The following ATF6B variants were observed in gnomAD, a reference collection of about 807,000 sequenced individuals.
ATF6B encodes activating transcription factor 6 beta.
ATF6B carries 50 observed loss-of-function variants against 83.5 expected under a neutral mutation model. The observed-to-expected ratio is 0.60, with a 90% CI of 0.48 to 0.76. The LOEUF (loss-of-function observed/expected upper bound fraction) is 0.76, where lower values mean the gene tolerates loss of function less well. ATF6B is among the 30% of genes least tolerant of loss of function. The pLI is 0.00. For synonymous variants in ATF6B, 344 were observed against 362.8 expected, an observed-to-expected ratio of 0.95 and a Z score of 0.59; for missense variants, 790 against 893.8, an observed-to-expected ratio of 0.88 and a Z score of 1.48.
rs1718689539 is a variant in ATF6B at position 32,116,639 on chromosome 6, C to T, written c.1797+65G>A. ...AAGCTCCCCAGCCCTACTCTACATC[C>T]CCCCACTGAAGACAGACTGCTGGGA... On this transcript the variant is annotated intron_variant, in intron 16 of 17. Coordinates refer to ENST00000375203, the MANE Select transcript of ATF6B (RefSeq NM_004381.5). This position sits in a 1 kb window ranked among gnomAD's most constrained non-coding sequence, Gnocchi z 5.1. 1.9e-6 allele frequency: 3 copies of T among 1,603,826 alleles called. No individual in the cohort carries two copies. The highest frequency in any genetic ancestry group is 2.6e-6 in the Non-Finnish European group (3 of 1,171,216).
chr6:32,116,622 C>T lies in ATF6B; in HGVS notation c.1798-58G>A. 6.2e-7 allele frequency: 1 copy of T among 1,602,332 alleles called. No individual in the cohort carries two copies. Among genetic ancestry groups the T allele is most frequent in the Non-Finnish European group, 8.5e-7 (1 of 1,170,622 alleles). On this transcript the variant is annotated intron_variant, in intron 16 of 17. Coordinates refer to ENST00000375203, the MANE Select transcript of ATF6B (RefSeq NM_004381.5). This position sits in a 1 kb window ranked among gnomAD's most constrained non-coding sequence, Gnocchi z 5.1. The stretch of plus-strand genomic sequence containing the variant: ...GAGGCAAAGATGCCAACAAGCTCCC[C>T]AGCCCTACTCTACATCCCCCCACTG...
rs375401715 is a variant in ATF6B at position 32,118,729 on chromosome 6, C to T, written c.1244+46G>A. 2.8e-5 allele frequency: 45 copies of T among 1,585,266 alleles called. No homozygotes were observed. In the East Asian group the frequency reaches 4.2e-4, roughly 15 times the overall value. Reference sequence around the variant, plus strand: ...AAAGCAGGCAGCTAGGAGGCTGTAACGTGGGCTCCACCTGGAAGGTTCTAG... The same window carrying T: ...AAAGCAGGCAGCTAGGAGGCTGTAATGTGGGCTCCACCTGGAAGGTTCTAG... On this transcript the variant is annotated intron_variant, in intron 11 of 17. Transcript: ENST00000375203. This position sits in a 1 kb window ranked among gnomAD's most constrained non-coding sequence, Gnocchi z 5.2.
intron 8 of ATF6B, chr6:32,120,454 C>CTT (rs1201008710): frequency 6.8e-5 from 9 of 131,624 alleles, no homozygotes; most frequent in East Asian, 2.1e-4. Flanking sequence ...TTTCTTTTTT[C>CTT]TTTTTTTTTT....
chr6:32,127,219 A>G, intron 3 of ATF6B, 25 bp from the exon 4 acceptor site: 1 of 1,581,782 alleles, frequency 6.3e-7, no homozygotes, highest in Admixed American at 1.8e-5. Flanking sequence ...GTTAGAAATT[A>G]TCAGGAAGCA....
chr6:32,116,433 G>A lies in ATF6B; in HGVS notation c.1882+47C>T, dbSNP rs1301251090. 3.2e-6 allele frequency: 5 copies of A among 1,561,862 alleles called. No individual in the cohort carries two copies. The Admixed American group carries it at 8.6e-5, about 27-fold the overall frequency. ...CCCTTCCCCCTCAGCTCCCAGGCTGGATCTCCCTGTTGGAACTGCCCCCAT... is the reference window on the plus strand; with the variant it reads ...CCCTTCCCCCTCAGCTCCCAGGCTGAATCTCCCTGTTGGAACTGCCCCCAT... On this transcript the variant is annotated intron_variant, in intron 17 of 17. Transcript: ENST00000375203. The surrounding 1 kb of genome is among the most constrained non-coding windows in gnomAD (Gnocchi z 5.1).
rs773145763 is a variant in ATF6B at position 32,117,551 on chromosome 6, C to CG, written c.1532+35dup. 9 of 1,606,864 alleles carry CG rather than the reference C, an allele frequency of 5.6e-6. No homozygotes were observed. The highest frequency in any genetic ancestry group is 7.7e-6 in the Non-Finnish European group (9 of 1,175,314). ...CTGACTGCAGAAGGCCTTGGGAGGC[C>CG]GGGGGAGCTGGATGCCCCAGCAATG... is the stretch of plus-strand genomic sequence containing the variant. On this transcript the variant is annotated intron_variant, in intron 13 of 17. Transcript: ENST00000375203. This position sits in a 1 kb window ranked among gnomAD's most constrained non-coding sequence, Gnocchi z 5.0.
In ATF6B at chr6:32,125,487, C is replaced by T. The variant is rs193058094; in HGVS notation, c.478+630G>A. On this transcript the variant is annotated intron_variant, in intron 5 of 17. Coordinates refer to ENST00000375203, the MANE Select transcript of ATF6B (RefSeq NM_004381.5). This position sits in a 1 kb window ranked among gnomAD's most constrained non-coding sequence, Gnocchi z 4.1. ...TGTTTAAAAATGTTTATGGGCTGGG[C>T]GCGATGGCTCACGCCTGTAATCTCA... 1.7e-4 allele frequency among the ~76,000 whole-genome samples: 26 copies of T among 152,246 alleles called. 1 individual carries two copies. The East Asian group carries it at 3.7e-3, about 21-fold the overall frequency.
rs187570406 is a variant in ATF6B, at chr6:32,125,736, G to C, written c.478+381C>G. 2.0e-5 allele frequency among the ~76,000 whole-genome samples: 3 copies of C among 152,162 alleles called. No individual in the cohort carries two copies. The highest frequency in any genetic ancestry group is 4.4e-5 in the Non-Finnish European group (3 of 68,032). On this transcript the variant is annotated intron_variant, in intron 5 of 17. Coordinates refer to ENST00000375203, the MANE Select transcript of ATF6B (RefSeq NM_004381.5). This position sits in a 1 kb window ranked among gnomAD's most constrained non-coding sequence, Gnocchi z 4.1. ...AGACCACACCACTGCACTTCAGCCC[G>C]AGCGACAGTGTGAGACTCTGTCTCA...
rs768944272 is a variant in ATF6B, at chr6:32,128,107, G to C, written c.91+10C>G. 6.2e-7 allele frequency: 1 copy of C among 1,612,154 alleles called. No individual in the cohort carries two copies. Among genetic ancestry groups the C allele is most frequent in the South Asian group, 1.1e-5 (1 of 91,058 alleles). ...TTTGCCACAGCCCTCTCCCCTCCCCGGTGCCTCACTCTGCAGACCCCAGTC... is the reference window on the plus strand; with the variant it reads ...TTTGCCACAGCCCTCTCCCCTCCCCCGTGCCTCACTCTGCAGACCCCAGTC... On this transcript the variant is annotated intron_variant, in intron 1 of 17. Coordinates refer to ENST00000375203, the MANE Select transcript of ATF6B (RefSeq NM_004381.5).
rs1362693609 is a variant in ATF6B, at chr6:32,117,281, T to C, written c.1614+42A>G. 1.2e-6 allele frequency: 2 copies of C among 1,601,054 alleles called. No individual in the cohort carries two copies. Among genetic ancestry groups the C allele is most frequent in the African/African-American group, 2.7e-5 (2 of 74,484 alleles). ...AATCCCCAGACAAGGCCTTTAGCCC[T>C]TGTCTTCAAGTGGCCTTCCTTGAAC... On this transcript the variant is annotated intron_variant, in intron 14 of 17. Coordinates refer to ENST00000375203, the MANE Select transcript of ATF6B (RefSeq NM_004381.5). This position sits in a 1 kb window ranked among gnomAD's most constrained non-coding sequence, Gnocchi z 5.0.
chr6:32,117,276 A>G lies in ATF6B; in HGVS notation c.1614+47T>C. ...CTAGAAATCCCCAGACAAGGCCTTT[A>G]GCCCTTGTCTTCAAGTGGCCTTCCT... On this transcript the variant is annotated intron_variant, in intron 14 of 17. Coordinates refer to ENST00000375203, the MANE Select transcript of ATF6B (RefSeq NM_004381.5). This position sits in a 1 kb window ranked among gnomAD's most constrained non-coding sequence, Gnocchi z 5.0. 1 of 1,596,862 alleles carries G rather than the reference A, an allele frequency of 6.3e-7. No homozygotes were observed. Among genetic ancestry groups the G allele is most frequent in the Non-Finnish European group, 8.6e-7 (1 of 1,168,294 alleles).
Position 32,117,208 on chromosome 6 carries a change from C to G in ATF6B, c.1615-101G>C. On this transcript the variant is annotated intron_variant, in intron 14 of 17. Coordinates refer to ENST00000375203, the MANE Select transcript of ATF6B (RefSeq NM_004381.5). The surrounding 1 kb of genome is among the most constrained non-coding windows in gnomAD (Gnocchi z 5.0). ...ATGCCACCTCCCACTCAACCCTCCA[C>G]TTCCTTCAAACGATCCCTCAAACTT... is the stretch of plus-strand genomic sequence containing the variant. 6.5e-7 allele frequency: 1 copy of G among 1,536,796 alleles called. No homozygotes were observed. The highest frequency in any genetic ancestry group is 2.3e-5 in the East Asian group (1 of 43,752).
Position 32,118,060 on chromosome 6 carries a change from G to C in ATF6B, c.1245-22C>G. ...GATGCTGTGGATAAAGAAGGACTGA[G>C]CACAATGAAGAATTTCAGCTGTATC... On this transcript the variant is annotated intron_variant, in intron 11 of 17. Coordinates refer to ENST00000375203, the MANE Select transcript of ATF6B (RefSeq NM_004381.5). The surrounding 1 kb of genome is among the most constrained non-coding windows in gnomAD (Gnocchi z 5.2). The C allele has an allele frequency of 7.4e-6, 12 of 1,613,946 alleles. No individual in the cohort carries two copies. The highest frequency in any genetic ancestry group is 9.3e-6 in the Non-Finnish European group (11 of 1,179,908).
Position 32,119,372 on chromosome 6 carries a change from G to A in ATF6B, c.967-231C>T, listed in dbSNP as rs1313365889. ...CCTCAGAGGTGGGAAAGGTTAGAGT[G>A]TGGGAAGAACTTTCTCCATGCTGGT... On this transcript the variant is annotated intron_variant, in intron 9 of 17. Coordinates refer to ENST00000375203, the MANE Select transcript of ATF6B (RefSeq NM_004381.5). The surrounding 1 kb of genome is among the most constrained non-coding windows in gnomAD (Gnocchi z 4.9). Among the ~76,000 whole-genome samples, 4 of 152,198 alleles carry A rather than the reference G, an allele frequency of 2.6e-5. No homozygotes were observed. The highest frequency in any genetic ancestry group is 9.7e-5 in the African/African-American group (4 of 41,438).
chr6:32,117,339 C>T lies in ATF6B; in HGVS notation c.1598G>A (p.Arg533Lys). 1 of 1,614,004 alleles carries T rather than the reference C, an allele frequency of 6.2e-7. No individual in the cohort carries two copies. The highest frequency in any genetic ancestry group is 8.5e-7 in the Non-Finnish European group (1 of 1,179,928). ...CCGCCCTACCTGTCTCTCCTGGGCC[C>T]TCTGAGGGATCTTCCTCCGGCCTCT... Reference protein sequence around the residue: ...HQRGRRKIPQRAQERQKSQPR... With the variant: ...HQRGRRKIPQKAQERQKSQPR... Residue 533 changes from arginine (R) to lysine (K), a missense_variant, in exon 14 of 18, where the codon AGG becomes AAG. Transcript: ENST00000375203. The surrounding 1 kb of genome is among the most constrained non-coding windows in gnomAD (Gnocchi z 5.0).
Position 32,125,572 on chromosome 6 carries a change from C to T in ATF6B, c.478+545G>A, listed in dbSNP as rs1245378258. On this transcript the variant is annotated intron_variant, in intron 5 of 17. Coordinates refer to ENST00000375203, the MANE Select transcript of ATF6B (RefSeq NM_004381.5). The surrounding 1 kb of genome is among the most constrained non-coding windows in gnomAD (Gnocchi z 4.1). ...GTCAGGAGTTCAAGACCAGCCTGGC[C>T]AACATGGTGAAACCCCATCTCTACT... Among the ~76,000 whole-genome samples, 2 of 152,042 alleles carry T rather than the reference C, an allele frequency of 1.3e-5. No individual in the cohort carries two copies. The highest frequency in any genetic ancestry group is 2.4e-5 in the African/African-American group (1 of 41,410).
chr6:32,121,873 G>A (rs1781780730), intron 5 of ATF6B, among the ~76,000 whole-genome samples: 1 of 152,014 alleles, frequency 6.6e-6, no homozygotes, highest in Non-Finnish European at 1.5e-5. Context: ...TTCTCCTTTA[G>A]TGGCTCCTCT....
intron 5 of ATF6B, among the ~76,000 whole-genome samples, chr6:32,123,176 G>A (rs950877624): frequency 4.2e-5 from 6 of 144,096 alleles, no homozygotes; most frequent in Admixed American, 7.1e-5. Flanking sequence ...TGCAGTGAGT[G>A]GAGATCACGC....
chr6:32,118,001 T>C lies in ATF6B; in HGVS notation c.1282A>G (p.Met428Val). The C allele has an allele frequency of 1.2e-6, 2 of 1,614,102 alleles. No homozygotes were observed. Among genetic ancestry groups the C allele is most frequent in the Non-Finnish European group, 1.7e-6 (2 of 1,180,018 alleles). ...CGGGGTTGAGGCTCCCCCTTGTTCA[T>C]CCGAGGAGAGATGGGAGCTGAAGGA... ...EPPSAPISPR[M>V]NKGEPQPRRH... is the part of the protein sequence containing the mutation. The change falls in exon 12 of 18, where the codon ATG (methionine) becomes GTG (valine). Residue 428 changes from methionine to valine, a missense_variant. Around this residue, in one of 3 missense-constraint regions of ATF6B, gnomAD observed 530 missense variants for 632.6 expected, o/e 0.84. Coordinates refer to ENST00000375203, the MANE Select transcript of ATF6B (RefSeq NM_004381.5). The surrounding 1 kb of genome is among the most constrained non-coding windows in gnomAD (Gnocchi z 5.2).
Sources: allele counts gnomAD v4.1 joint callset (sites outside exome capture counted in the v4.1 genomes callset), GRCh38; gene constraint gnomAD v4.1.1; regional missense constraint gnomAD v4.1.1; non-coding constraint Gnocchi (gnomAD v3.1); transcripts MANE v1.5; gene names NCBI Gene and HGNC (gene_info 2026-07-23, HGNC 2026-07-21).